DNM1: variants seen among roughly 807,000 people sequenced by gnomAD.
DNM1 encodes the protein dynamin 1.
Under a neutral mutation model 104.6 loss-of-function variants are expected in DNM1, and 29 were observed. The ratio of observed to expected loss-of-function variants is 0.28; its 90% CI spans 0.21 to 0.38. The LOEUF is 0.38. Ranked by LOEUF, DNM1 falls within the 10% of genes least tolerant of loss-of-function variation. The probability of loss-of-function intolerance (pLI) is 1.00; values close to 1 mark genes in which losing one functional copy is unlikely to be tolerated. For synonymous variants in DNM1, 445 were observed against 475.8 expected (o/e 0.94, Z 0.84); for missense variants, 640 against 1,189.4 (o/e 0.54, Z 6.79).
intron 1 of DNM1, among the ~76,000 whole-genome samples, chr9:128,208,148 C>T (rs1180807354): frequency 6.6e-6 from 1 of 152,102 alleles, no homozygotes; most frequent in Admixed American, 6.6e-5. Context: ...CAACCTCCAC[C>T]TCCCAAGTTC....
chr9:128,235,749 G>C (rs540600641), intron 11 of DNM1, among the ~76,000 whole-genome samples: 51 of 152,184 alleles, frequency 3.4e-4, no homozygotes, highest in Non-Finnish European at 6.0e-4. Context: ...CTGCTCTGTC[G>C]CCCCTGCTAG....
chr9:128,250,165 G>A lies in DNM1; in HGVS notation c.2127G>A (p.Gly709=), dbSNP rs1829425950. The change falls in exon 20 of 22, where the codon GGG becomes GGA. Residue 709 remains glycine (G), a synonymous_variant. Coordinates refer to ENST00000372923, the MANE Select transcript of DNM1 (RefSeq NM_004408.4). ...SELLANLYSC[G]DQNTLMEESA... is the part of the protein sequence containing the mutation. ...TGCTGGCCAACCTGTACTCGTGTGG[G>A]GACCAGAACACGCTGATGGAGGAGT... is the stretch of plus-strand genomic sequence containing the variant. 2.5e-6 allele frequency: 4 copies of A among 1,614,208 alleles called. No homozygotes were observed. The South Asian group carries it at 4.4e-5, about 18-fold the overall frequency.
intron 1 of DNM1, among the ~76,000 whole-genome samples, chr9:128,214,494 A>C (rs1405372256): frequency 6.6e-6 from 1 of 152,140 alleles, no homozygotes; most frequent in Non-Finnish European, 1.5e-5. Context: ...GGTCATTTGC[A>C]TTCAGCAGGG....
At chr9:128,207,960 GA>G (rs1156934783) in intron 1 of DNM1, among the ~76,000 whole-genome samples, 3 of 151,978 alleles carry the variant, frequency 2.0e-5, no homozygotes, top group African/African-American at 7.2e-5. Context: ...AGCCTGGGAG[GA>G]AGGGTTTTAG....
Position 128,224,164 on chromosome 9 carries a change from C to T in DNM1, c.1197-87C>T, listed in dbSNP as rs557630772. The T allele has an allele frequency of 7.3e-6, 11 of 1,510,408 alleles. No homozygotes were observed. The highest frequency in any genetic ancestry group is 4.6e-5 in the East Asian group (2 of 43,104). 93.6% of individuals were successfully genotyped at this position (1,510,408 alleles called of 1,614,324 possible). A position where few individuals can be genotyped will look rare whatever the true frequency, so the allele number is the denominator to read the frequency against. On this transcript the variant is annotated intron_variant, in intron 9 of 21. Coordinates refer to ENST00000372923, the MANE Select transcript of DNM1 (RefSeq NM_004408.4). This position sits in a 1 kb window ranked among gnomAD's most constrained non-coding sequence, Gnocchi z 4.3. ...GTGGAAGGGCCCCTCAGGCAGAGTT[C>T]GTGGGCTTGGGGAGGAGCCTCGGCC...
chr9:128,229,561 C>T (rs2131205213), intron 10 of DNM1, among the ~76,000 whole-genome samples: 1 of 135,910 alleles, frequency 7.4e-6, no homozygotes, highest in South Asian at 2.4e-4. Flanking sequence ...TGTGATCACA[C>T]CACCATATTC....
At chr9:128,236,622 G>A (rs1368203083) in intron 11 of DNM1, among the ~76,000 whole-genome samples, 1 of 152,094 alleles carries the variant, frequency 6.6e-6, no homozygotes, top group Non-Finnish European at 1.5e-5. Flanking sequence ...AGGCCTAGGT[G>A]GGAGGATTAT....
chr9:128,231,907 C>T (rs1365365654), intron 10 of DNM1: 1 of 426,830 alleles, frequency 2.3e-6, no homozygotes, highest in Admixed American at 2.6e-5. Flanking sequence ...GGGCTGTGTC[C>T]CTGACTGCTA....
chr9:128,229,585 A>T (rs986998766), intron 10 of DNM1, among the ~76,000 whole-genome samples: 17 of 136,648 alleles, frequency 1.2e-4, no homozygotes, highest in African/African-American at 4.1e-4. Flanking sequence ...ACTGGAAGAC[A>T]GAGCAAAACC....
intron 11 of DNM1, 82 bp downstream of exon 11, chr9:128,234,189 G>T: frequency 3.4e-6 from 4 of 1,170,684 alleles, no homozygotes; most frequent in Non-Finnish European, 4.7e-6. Context: ...CCCTGGGGTT[G>T]CTTCCTTCTT....
intron 10 of DNM1, chr9:128,232,130 T>C (rs1835729825): frequency 2.3e-6 from 1 of 442,748 alleles, no homozygotes; most frequent in Non-Finnish European, 4.6e-6. Flanking sequence ...AGGCGGTTAG[T>C]GGGAGAATTG....
chr9:128,246,525 T>A (rs1836822758), intron 16 of DNM1, 22 bp downstream of exon 16: 7 of 1,591,016 alleles, frequency 4.4e-6, no homozygotes, highest in Non-Finnish European at 6.0e-6. Context: ...CCCCTGGCTG[T>A]GGCTGCTGCA....
chr9:128,234,035 G>T lies in DNM1; in HGVS notation c.1350G>T (p.Pro450=), dbSNP rs147897973. The T allele has an allele frequency of 8.1e-5, 127 of 1,571,618 alleles. 1 individual carries two copies. Among genetic ancestry groups the T allele is most frequent in the Non-Finnish European group, 1.1e-4 (126 of 1,159,130 alleles). ...RQCTKKLQQY[P]RLREEMERIV... ...CCCTTCCCCAGCTCCAGCAGTACCC[G>T]CGGCTACGGGAGGAGATGGAGCGCA... is the stretch of plus-strand genomic sequence containing the variant. The change falls in exon 11 of 22, where the codon CCG becomes CCT. Residue 450 remains proline (P), a synonymous_variant. Transcript: ENST00000372923.
chr9:128,249,502 C>CA (rs1426114873), intron 19 of DNM1, among the ~76,000 whole-genome samples: 1 of 151,564 alleles, frequency 6.6e-6, no homozygotes, highest in Non-Finnish European at 1.5e-5. Flanking sequence ...ATTAAAAATA[C>CA]AAAATTAGCC....
intron 1 of DNM1, among the ~76,000 whole-genome samples, chr9:128,212,784 T>G (rs1834377264): frequency 1.3e-5 from 2 of 151,678 alleles, no homozygotes; most frequent in Non-Finnish European, 1.5e-5. Flanking sequence ...AGGTATAATT[T>G]ACATGCCATA....
intron 11 of DNM1, among the ~76,000 whole-genome samples, chr9:128,237,241 C>A (rs1272010172): frequency 6.7e-6 from 1 of 150,294 alleles, no homozygotes; most frequent in East Asian, 2.0e-4. Context: ...TCTTCCCAGG[C>A]CGGAACCTGG....
chr9:128,254,558 G>C lies in DNM1; in HGVS notation c.2535-96G>C. 1 of 1,547,388 alleles carries C rather than the reference G, an allele frequency of 6.5e-7. No homozygotes were observed. The highest frequency in any genetic ancestry group is 8.7e-7 in the Non-Finnish European group (1 of 1,150,628). On this transcript the variant is annotated intron_variant, in intron 21 of 21. Transcript: ENST00000372923. The surrounding 1 kb of genome is among the most constrained non-coding windows in gnomAD (Gnocchi z 6.1). ...TCCCCGGCCCTCCCACCACTGCTGC[G>C]GCGCGGCCGGCCCCGGCCGTGTGCT...
intron 9 of DNM1, chr9:128,223,135 A>C: frequency 2.2e-6 from 1 of 457,074 alleles, no homozygotes; most frequent in Non-Finnish European, 4.0e-6. Context: ...GCCCATCCCC[A>C]GGGTGAGATA....
At position 128,254,240 on chromosome 9, in the gene DNM1, A is replaced by G; in HGVS notation, c.2535-414A>G. 7.3e-7 allele frequency: 1 copy of G among 1,363,138 alleles called. No homozygotes were observed. Among genetic ancestry groups the G allele is most frequent in the Non-Finnish European group, 9.4e-7 (1 of 1,067,608 alleles). 84.4% of individuals were successfully genotyped at this position (1,363,138 alleles called of 1,614,324 possible). A position where few individuals can be genotyped will look rare whatever the true frequency, so the allele number is the denominator to read the frequency against. On this transcript the variant is annotated intron_variant, in intron 21 of 21. Coordinates refer to ENST00000372923, the MANE Select transcript of DNM1 (RefSeq NM_004408.4). This position sits in a 1 kb window ranked among gnomAD's most constrained non-coding sequence, Gnocchi z 6.1. ...GTTCAAGCAGTGTTCTTTCTCTATC[A>G]GGCCTGGTGGCTGTTGCATGGGGCT...
Sources: allele counts gnomAD v4.1 joint callset (sites outside exome capture counted in the v4.1 genomes callset), GRCh38; gene constraint gnomAD v4.1.1; non-coding constraint Gnocchi (gnomAD v3.1); transcripts MANE v1.5; gene names NCBI Gene and HGNC (gene_info 2026-07-23, HGNC 2026-07-21).